Variants in CCNY observed in about 807,000 individuals in gnomAD.
CCNY encodes the protein cyclin Y, also known as cyclin-Y.
In CCNY, 19 loss-of-function variants were observed where a neutral mutation model predicts 42.8. That is an observed-to-expected ratio of 0.44 (90% CI 0.31 to 0.65). The LOEUF is 0.65. Among genes scored for constraint, CCNY ranks in the 30% least tolerant of loss-of-function variants. The pLI is 0.07. For synonymous variants in CCNY, 165 were observed against 162.7 expected (o/e 1.01, Z -0.11); for missense variants, 370 against 437.3 (o/e 0.85, Z 1.37).
At chr10:35,558,974 G>A (rs1250555498) in intron 8 of CCNY, among the ~76,000 whole-genome samples, 1 of 152,204 alleles carries the variant, frequency 6.6e-6, no homozygotes, top group East Asian at 1.9e-4. Flanking sequence ...AGTTGGTAAG[G>A]AATAGAGGCA....
chr10:35,461,902 A>G (rs1391522824), intron 1 of CCNY, among the ~76,000 whole-genome samples: 2 of 152,176 alleles, frequency 1.3e-5, no homozygotes, highest in Non-Finnish European at 2.9e-5. Context: ...AAATGCATAA[A>G]TAAATCTCTC....
chr10:35,330,714 T>G (rs1456884766), intron 3 of CCNY, among the ~76,000 whole-genome samples: 1 of 152,188 alleles, frequency 6.6e-6, no homozygotes, highest in Non-Finnish European at 1.5e-5. Flanking sequence ...GAATTCCAGC[T>G]ATCCTGACCA....
At chr10:35,529,245 T>C (rs1461228228) in intron 5 of CCNY, among the ~76,000 whole-genome samples, 1 of 152,198 alleles carries the variant, frequency 6.6e-6, no homozygotes, top group African/African-American at 2.4e-5. Context: ...ACGTTGCGTG[T>C]TGTGAATAAT....
At chr10:35,427,573 A>G (rs1301376219) in intron 1 of CCNY, among the ~76,000 whole-genome samples, 1 of 152,226 alleles carries the variant, frequency 6.6e-6, no homozygotes, top group Non-Finnish European at 1.5e-5. Flanking sequence ...CTCCATAAAT[A>G]TGAATGAATA....
Position 35,330,762 on chromosome 10 carries a change from T to A in CCNY, c.-9+80136T>A, listed in dbSNP as rs545006370. Among the ~76,000 whole-genome samples the A allele has an allele frequency of 3.9e-4, 59 of 151,926 alleles. 1 individual carries two copies. The East Asian group carries it at 9.1e-3, about 23-fold the overall frequency. Reference sequence around the variant, plus strand: ...CAGAGAAGAGGCAGCTTTTATTTTTTTTTTTTTTTTGAGATGGAGGCTCGC... The same window carrying A: ...CAGAGAAGAGGCAGCTTTTATTTTTATTTTTTTTTTGAGATGGAGGCTCGC... On this transcript the variant is annotated intron_variant, in intron 3 of 11. Transcript: ENST00000374706.
intron 5 of CCNY, among the ~76,000 whole-genome samples, chr10:35,529,456 T>C (rs1040331637): frequency 3.3e-5 from 5 of 152,264 alleles, no homozygotes; most frequent in Admixed American, 1.3e-4. Context: ...TAGCTAAGTG[T>C]GGTTTATAAC....
At chr10:35,273,359 GC>G (rs1438250501) in intron 3 of CCNY, among the ~76,000 whole-genome samples, 1 of 151,902 alleles carries the variant, frequency 6.6e-6, no homozygotes, top group South Asian at 2.1e-4. Context: ...GCACCACCAT[GC>G]CCGGCTCATT....
rs1292325238 is a variant in CCNY, at chr10:35,307,816, A to ATT, written c.-9+57191_-9+57192insTT. On this transcript the variant is annotated intron_variant, in intron 3 of 11. Transcript: ENST00000374706. ...TGTGTGTGTGTATATATATATATAT[A>ATT]TATTTTTTTTTTTTTTTCTGAGATG... is the stretch of plus-strand genomic sequence containing the variant. Among the ~76,000 whole-genome samples the ATT allele has an allele frequency of 7.6e-4, 52 of 68,528 alleles. 1 individual carries two copies. Among genetic ancestry groups the ATT allele is most frequent in the African/African-American group, 1.5e-3 (31 of 20,014 alleles). 45.0% of individuals were successfully genotyped at this position (68,528 alleles called of 152,430 possible). A position where few individuals can be genotyped will look rare whatever the true frequency, so the allele number is the denominator to read the frequency against.
intron 3 of CCNY, among the ~76,000 whole-genome samples, chr10:35,264,122 A>C (rs968909168): frequency 4.6e-5 from 7 of 152,214 alleles, no homozygotes; most frequent in Admixed American, 1.3e-4. Flanking sequence ...GATATTGTGA[A>C]TAGTCCTGTA....
chr10:35,414,265 G>A (rs1339505935), intron 1 of CCNY, among the ~76,000 whole-genome samples: 1 of 152,198 alleles, frequency 6.6e-6, no homozygotes, highest in Non-Finnish European at 1.5e-5. Flanking sequence ...CTGAAGACTT[G>A]CCTGGGGAGG....
intron 1 of CCNY, among the ~76,000 whole-genome samples, chr10:35,349,106 A>T (rs2135134261): frequency 6.6e-6 from 1 of 152,240 alleles, no homozygotes; most frequent in South Asian, 2.1e-4. Flanking sequence ...CACAGGGTGG[A>T]CGGTGGGACT....
chr10:35,570,730 C>A lies in CCNY; in HGVS notation c.*1560C>A, dbSNP rs1048255541. The A allele has an allele frequency of 1.3e-5, 2 of 152,334 alleles. No homozygotes were observed. The highest frequency in any genetic ancestry group is 4.8e-5 in the African/African-American group (2 of 41,448). 9.4% of individuals were successfully genotyped at this position (152,334 alleles called of 1,614,324 possible). On this transcript the variant is annotated 3_prime_UTR_variant, in exon 10 of 10. Coordinates refer to ENST00000374704, the MANE Select transcript of CCNY (RefSeq NM_145012.6). ...ATCTTAATTAGTCTTGAATCATACA[C>A]CTGATCCCCAAACATTGCCTGCTCT...
chr10:35,380,774 T>A (rs548755200), intron 1 of CCNY, among the ~76,000 whole-genome samples: 11 of 152,330 alleles, frequency 7.2e-5, no homozygotes, highest in African/African-American at 2.6e-4. Context: ...GACTTCACCC[T>A]CTCTGCTGCA....
chr10:35,402,472 G>A (rs1305153300), intron 1 of CCNY, among the ~76,000 whole-genome samples: 1 of 152,108 alleles, frequency 6.6e-6, no homozygotes, highest in Non-Finnish European at 1.5e-5. Flanking sequence ...CATATACCAG[G>A]CCAGATTGAT....
At chr10:35,515,583 C>A (rs1840411540) in intron 3 of CCNY, among the ~76,000 whole-genome samples, 1 of 152,088 alleles carries the variant, frequency 6.6e-6, no homozygotes, top group African/African-American at 2.4e-5. Context: ...CATTGTGATC[C>A]CCAAGGGATT....
At chr10:35,419,054 C>T (rs927479781) in intron 1 of CCNY, among the ~76,000 whole-genome samples, 6 of 152,044 alleles carry the variant, frequency 3.9e-5, no homozygotes, top group Non-Finnish European at 5.9e-5. Context: ...TTCCTGACCT[C>T]GTGATCAACC....
At chr10:35,451,341 T>TG (rs1838911654) in intron 1 of CCNY, among the ~76,000 whole-genome samples, 1 of 152,216 alleles carries the variant, frequency 6.6e-6, no homozygotes, top group African/African-American at 2.4e-5. Context: ...GAGCAGAACT[T>TG]GCTGTATTAT....
chr10:35,507,080 C>A (rs1034466417), intron 3 of CCNY, among the ~76,000 whole-genome samples: 11 of 152,158 alleles, frequency 7.2e-5, no homozygotes, highest in African/African-American at 2.4e-4. Flanking sequence ...CTCCTAACCT[C>A]CTCAGTTTTC....
chr10:35,355,676 T>A, intron 1 of CCNY, among the ~76,000 whole-genome samples: 1 of 12,212 alleles, frequency 8.2e-5, no homozygotes, highest in Non-Finnish European at 1.5e-4. Flanking sequence ...AGATACTGTC[T>A]CCAAAAAAAA....
Sources: allele counts gnomAD v4.1 joint callset (sites outside exome capture counted in the v4.1 genomes callset), GRCh38; gene constraint gnomAD v4.1.1; transcripts MANE v1.5; gene names NCBI Gene and HGNC (gene_info 2026-07-23, HGNC 2026-07-21).